H6PD: variants seen among roughly 807,000 people sequenced by gnomAD.
H6PD encodes the protein hexose-6-phosphate dehydrogenase/glucose 1-dehydrogenase.
Under a neutral mutation model 61.2 loss-of-function variants are expected in H6PD, and 48 were observed. The observed-to-expected ratio is 0.78, with a 90% CI of 0.62 to 1.00. The LOEUF (loss-of-function observed/expected upper bound fraction) is 1.00, where lower values mean the gene tolerates loss of function less well. Ranked by LOEUF, H6PD falls within the 50% of genes least tolerant of loss-of-function variation. H6PD has a pLI of 0.00. For missense variants in H6PD, 1,093 were observed against 1,065.0 expected, an observed-to-expected ratio of 1.03 and a Z score of -0.37; for synonymous variants, 480 against 457.9, an observed-to-expected ratio of 1.05 and a Z score of -0.62.
chr1:9,270,277 A>G lies in H6PD; in HGVS notation c.*5408A>G, dbSNP rs947826165. ...TGGTGTGGGAGAGGTAAACACTTTG[A>G]TTTGCTGAAAGCTGTATGGAGTATA... On this transcript the variant is annotated 3_prime_UTR_variant, in exon 5 of 5. Coordinates refer to ENST00000377403, the MANE Select transcript of H6PD (RefSeq NM_004285.4). 6.6e-6 allele frequency: 1 copy of G among 152,492 alleles called. No individual in the cohort carries two copies. Among genetic ancestry groups the G allele is most frequent in the Admixed American group, 6.5e-5 (1 of 15,272 alleles). The allele number at this position is 152,492 out of a possible 1,614,324, so 9.4% of individuals were successfully genotyped here. A position where few individuals can be genotyped will look rare whatever the true frequency, so the allele number is the denominator to read the frequency against.
At chr1:9,251,543 G>A (rs1335233867) in intron 3 of H6PD, among the ~76,000 whole-genome samples, 1 of 152,166 alleles carries the variant, frequency 6.6e-6, no homozygotes, top group Admixed American at 6.5e-5. Flanking sequence ...TGGGGGAAAG[G>A]AGCCTGATGC....
rs1160589437 is a variant in H6PD at position 9,267,315 on chromosome 1, T to G, written c.*2446T>G. The G allele has an allele frequency of 6.6e-6, 1 of 152,472 alleles. No homozygotes were observed. Among genetic ancestry groups the G allele is most frequent in the Non-Finnish European group, 1.5e-5 (1 of 68,328 alleles). The allele number at this position is 152,472 out of a possible 1,614,324, so 9.4% of individuals were successfully genotyped here. A position where few individuals can be genotyped will look rare whatever the true frequency, so the allele number is the denominator to read the frequency against. The stretch of plus-strand genomic sequence containing the variant: ...GGGGCCCTTGCACCGCACTGCCGCC[T>G]CCTGACTGCCCCTATCCCCGCAGCC... On this transcript the variant is annotated 3_prime_UTR_variant, in exon 5 of 5. Transcript: ENST00000377403.
At chr1:9,240,038 A>T (rs1640952070) in intron 1 of H6PD, 1 of 1,225,598 alleles carries the variant, frequency 8.2e-7, no homozygotes, top group African/African-American at 1.6e-5. Context: ...TCCCAGGATG[A>T]CTCGTAGGAG....
intron 3 of H6PD, among the ~76,000 whole-genome samples, chr1:9,253,073 C>T (rs1447841859): frequency 6.6e-6 from 1 of 152,166 alleles, no homozygotes; most frequent in Non-Finnish European, 1.5e-5. Context: ...GCAGGAGGGC[C>T]AGCCCCTCGC....
At position 9,246,993 on chromosome 1, in the gene H6PD, G is replaced by A; in HGVS notation, c.655G>A (p.Asp219Asn). The A allele has an allele frequency of 6.2e-7, 1 of 1,613,876 alleles. No individual in the cohort carries two copies. Among genetic ancestry groups the A allele is most frequent in the Non-Finnish European group, 8.5e-7 (1 of 1,179,808 alleles). ...TGTGGCGCAGATCCTGCCTTTCCGA[G>A]ACCAGAACCGCAAGGCTTTGGACGG... Reference protein sequence around the residue: ...QAVAQILPFRDQNRKALDGLW... With the variant: ...QAVAQILPFRNQNRKALDGLW... The change falls in exon 3 of 5, where the codon GAC (aspartate) becomes AAC (asparagine). Residue 219 changes from aspartate to asparagine, a missense_variant. Coordinates refer to ENST00000377403, the MANE Select transcript of H6PD (RefSeq NM_004285.4).
intron 3 of H6PD, among the ~76,000 whole-genome samples, chr1:9,257,382 C>T (rs1180426743): frequency 3.3e-5 from 5 of 152,148 alleles, no homozygotes; most frequent in Non-Finnish European, 5.9e-5. Flanking sequence ...AGTGATCCTC[C>T]TGCCTTGGCC....
chr1:9,236,304 A>G (rs1640847763), intron 1 of H6PD, among the ~76,000 whole-genome samples: 1 of 150,738 alleles, frequency 6.6e-6, no homozygotes, highest in Non-Finnish European at 1.5e-5. Context: ...AGTTGGTTTT[A>G]ACAGCAGTTC....
chr1:9,245,442 G>A lies in H6PD; in HGVS notation c.508G>A (p.Val170Ile), dbSNP rs753194800. 6.8e-6 allele frequency: 11 copies of A among 1,614,166 alleles called. No homozygotes were observed. The South Asian group carries it at 9.9e-5, about 14-fold the overall frequency. The stretch of plus-strand genomic sequence containing the variant: ...GCCAGGCCCGGGCGCCTGGCTGCGG[G>A]TTGTCCTTGAGAAACCCTTTGGCCA... ...CRPGPGAWLR[V>I]VLEKPFGHDH... is the part of the protein sequence containing the mutation. Residue 170 changes from valine to isoleucine, a missense_variant, in exon 2 of 5, where the codon GTT (valine) becomes ATT (isoleucine). Transcript: ENST00000377403. The surrounding 1 kb of genome is among the most constrained non-coding windows in gnomAD (Gnocchi z 4.8).
In H6PD at chr1:9,254,207, T is replaced by G. The variant is rs949903593; in HGVS notation, c.745+7124T>G. On this transcript the variant is annotated intron_variant, in intron 3 of 4. Coordinates refer to ENST00000377403, the MANE Select transcript of H6PD (RefSeq NM_004285.4). The surrounding 1 kb of genome is among the most constrained non-coding windows in gnomAD (Gnocchi z 4.6). ...CCATCTCCACTAAAAATACAAAAATTATCCAGGCATGGTAGTTTGTGCCTG... is the reference window on the plus strand; with the variant it reads ...CCATCTCCACTAAAAATACAAAAATGATCCAGGCATGGTAGTTTGTGCCTG... 6.6e-6 allele frequency among the ~76,000 whole-genome samples: 1 copy of G among 152,098 alleles called. No homozygotes were observed. The highest frequency in any genetic ancestry group is 1.5e-5 in the Non-Finnish European group (1 of 67,992).
At chr1:9,242,726 G>C in intron 1 of H6PD, 2 of 985,478 alleles carry the variant, frequency 2.0e-6, no homozygotes, top group Non-Finnish European at 2.4e-6. Flanking sequence ...CTTTGTACCA[G>C]GCACGTCCAG....
chr1:9,262,823 C>T (rs1638370185), intron 4 of H6PD, among the ~76,000 whole-genome samples: 1 of 152,234 alleles, frequency 6.6e-6, no homozygotes, highest in African/African-American at 2.4e-5. Flanking sequence ...TGAGCACGCG[C>T]CGTATGCCAG....
intron 1 of H6PD, among the ~76,000 whole-genome samples, chr1:9,241,406 A>T (rs1012537320): frequency 5.9e-5 from 9 of 151,438 alleles, no homozygotes; most frequent in East Asian, 1.9e-4. Context: ...TATTTATTTT[A>T]TTTATTTACT....
chr1:9,241,808 G>A (rs1422870853), intron 1 of H6PD, among the ~76,000 whole-genome samples: 2 of 152,234 alleles, frequency 1.3e-5, no homozygotes, highest in South Asian at 2.1e-4. Context: ...GTTTAGCATC[G>A]TGACTGAGGG....
intron 1 of H6PD, among the ~76,000 whole-genome samples, chr1:9,240,233 A>G (rs1640957433): frequency 6.6e-6 from 1 of 152,122 alleles, no homozygotes; most frequent in Non-Finnish European, 1.5e-5. Context: ...TAAGAATTGT[A>G]AATGAAATTG....
intron 1 of H6PD, among the ~76,000 whole-genome samples, chr1:9,240,373 G>A (rs1276520249): frequency 6.6e-6 from 1 of 152,122 alleles, no homozygotes; most frequent in Non-Finnish European, 1.5e-5. Context: ...GTCAAGGCTC[G>A]AAGCACTCAT....
rs1414708735 is a variant in H6PD at position 9,264,889 on chromosome 1, C to G, written c.*20C>G. ...GGATGAGGGCGCCTGTGCCCCTTGCCCGCTTCGCTCCTGTGCTTTCCTTCG... is the reference window on the plus strand; with the variant it reads ...GGATGAGGGCGCCTGTGCCCCTTGCGCGCTTCGCTCCTGTGCTTTCCTTCG... On this transcript the variant is annotated 3_prime_UTR_variant, in exon 5 of 5. Transcript: ENST00000377403. The G allele has an allele frequency of 6.2e-7, 1 of 1,609,386 alleles. No individual in the cohort carries two copies. The highest frequency in any genetic ancestry group is 8.5e-7 in the Non-Finnish European group (1 of 1,179,808).
At chr1:9,257,080 A>G (rs1641543352) in intron 3 of H6PD, among the ~76,000 whole-genome samples, 1 of 151,404 alleles carries the variant, frequency 6.6e-6, no homozygotes, top group South Asian at 2.1e-4. Context: ...GTTTCCAATT[A>G]TATTTTTCAT....
At chr1:9,249,901 G>A (rs1345525565) in intron 3 of H6PD, among the ~76,000 whole-genome samples, 1 of 152,214 alleles carries the variant, frequency 6.6e-6, no homozygotes, top group Admixed American at 6.5e-5. Flanking sequence ...AGGGTGCTTT[G>A]GCAACAGAAT....
At chr1:9,240,017 T>G (rs1213763285) in intron 1 of H6PD, 1 of 1,230,802 alleles carries the variant, frequency 8.1e-7, no homozygotes, top group Non-Finnish European at 1.0e-6. Context: ...GCCTTTTAAC[T>G]GGTAAGTCTC....
Sources: gnomAD v4.1 joint callset for allele counts (sites outside exome capture counted in the v4.1 genomes callset) on GRCh38, gnomAD v4.1.1 for gene constraint, Gnocchi (gnomAD v3.1) non-coding constraint, MANE v1.5 for transcripts, NCBI Gene and HGNC (gene_info 2026-07-23, HGNC 2026-07-21) for gene names.